SNRPA1: variants seen among roughly 807,000 people sequenced by gnomAD.
The protein encoded by SNRPA1 is U2 small nuclear ribonucleoprotein A'.
A neutral mutation model predicts 32.3 loss-of-function variants in SNRPA1; 5 were observed. The ratio of observed to expected loss-of-function variants is 0.15; its 90% CI spans 0.08 to 0.33. The LOEUF (loss-of-function observed/expected upper bound fraction) is 0.33. Among genes scored for constraint, SNRPA1 ranks in the 10% least tolerant of loss-of-function variants. The pLI, the probability that SNRPA1 is intolerant of heterozygous loss-of-function variation, is 1.00. For synonymous variants in SNRPA1, 111 were observed against 120.1 expected (o/e 0.92, Z 0.50); for missense variants, 198 against 311.1 (o/e 0.64, Z 2.74).
chr15:101,284,764 A>C (rs985642607), intron 8 of SNRPA1: 3 of 423,702 alleles, frequency 7.1e-6, no homozygotes, highest in Non-Finnish European at 1.3e-5. Context: ...AGGCTCCCAA[A>C]GTGCTGGGAT....
chr15:101,284,648 G>A (rs1191725469), intron 8 of SNRPA1: 11 of 211,780 alleles, frequency 5.2e-5, no homozygotes, highest in Admixed American at 9.8e-5. Context: ...GATTACAGGC[G>A]CGCACCACCA....
intron 8 of SNRPA1, among the ~76,000 whole-genome samples, chr15:101,282,834 T>TAAGA (rs2039412107): frequency 1.3e-5 from 2 of 152,250 alleles, no homozygotes; most frequent in South Asian, 4.1e-4. Flanking sequence ...ACAAGTTTTC[T>TAAGA]AAATTTTAAT....
chr15:101,294,431 A>T (rs2039563713), intron 1 of SNRPA1, among the ~76,000 whole-genome samples: 1 of 152,216 alleles, frequency 6.6e-6, no homozygotes, highest in African/African-American at 2.4e-5. Context: ...CCAACTAGCT[A>T]GCTGCCCTCC....
At chr15:101,284,208 C>T (rs1214689537) in intron 8 of SNRPA1, among the ~76,000 whole-genome samples, 1 of 152,042 alleles carries the variant, frequency 6.6e-6, no homozygotes, top group Non-Finnish European at 1.5e-5. Context: ...CTCTCAGCCT[C>T]TCGGCAACCT....
At chr15:101,285,125 CTAAG>C in intron 7 of SNRPA1, 65 bp from the exon 8 acceptor site, 1 of 1,151,252 alleles carries the variant, frequency 8.7e-7, no homozygotes, top group Non-Finnish European at 1.3e-6. Context: ...ACCCAGAAAA[CTAAG>C]TGTCAATCAC....
At chr15:101,291,819 C>A in intron 3 of SNRPA1, 143 bp downstream of exon 3, 1 of 559,896 alleles carries the variant, frequency 1.8e-6, no homozygotes, top group Non-Finnish European at 3.2e-6. Context: ...GCTGCAGAAC[C>A]CAAAAGGCCC....
At chr15:101,290,738 G>A (rs1339594542) in intron 3 of SNRPA1, among the ~76,000 whole-genome samples, 2 of 145,864 alleles carry the variant, frequency 1.4e-5, no homozygotes, top group African/African-American at 5.3e-5. Flanking sequence ...ACCACTTTTG[G>A]CATTTTTTTT....
chr15:101,292,835 T>G (rs2039541739), intron 2 of SNRPA1, 190 bp downstream of exon 2: 2 of 388,172 alleles, frequency 5.2e-6, no homozygotes, highest in African/African-American at 4.1e-5. Flanking sequence ...TTTCTCATTT[T>G]AAGAAAAAAC....
At chr15:101,285,136 T>A in intron 7 of SNRPA1, 76 bp from the exon 8 acceptor site, 1 of 995,408 alleles carries the variant, frequency 1.0e-6, no homozygotes. Context: ...TAAGTGTCAA[T>A]CACCTACAGA....
At chr15:101,289,417 T>C (rs972276685) in intron 3 of SNRPA1, among the ~76,000 whole-genome samples, 3 of 152,058 alleles carry the variant, frequency 2.0e-5, no homozygotes, top group African/African-American at 7.3e-5. Context: ...TAACTCAAGA[T>C]TGAAAGAGAG....
At chr15:101,284,917 ACT>A (rs765571518) in intron 8 of SNRPA1, 48 bp downstream of exon 8, 16 of 1,385,790 alleles carry the variant, frequency 1.2e-5, no homozygotes, top group Admixed American at 8.4e-5. Flanking sequence ...TGTGAGTTAC[ACT>A]CTGAGTGTAA....
chr15:101,282,982 T>C (rs1277824227), intron 8 of SNRPA1, among the ~76,000 whole-genome samples: 1 of 152,196 alleles, frequency 6.6e-6, no homozygotes, highest in African/African-American at 2.4e-5. Context: ...AACTCAAGAA[T>C]GCAGACATGT....
intron 8 of SNRPA1, among the ~76,000 whole-genome samples, 175 bp from the exon 9 acceptor site, chr15:101,281,957 T>G (rs2039400269): frequency 6.6e-6 from 1 of 152,246 alleles, no homozygotes; most frequent in Non-Finnish European, 1.5e-5. Context: ...AGTCTGTCTT[T>G]GGCAGGTACT....
chr15:101,283,582 CAAA>C (rs71850715), intron 8 of SNRPA1, among the ~76,000 whole-genome samples: 23 of 152,066 alleles, frequency 1.5e-4, no homozygotes, highest in African/African-American at 3.6e-4. Context: ...ACAACAACAA[CAAA>C]ATCAGTCTTC....
rs1464102226 is a variant in SNRPA1, at chr15:101,295,053, C to T, written c.82+44G>A. 3.9e-6 allele frequency: 5 copies of T among 1,293,664 alleles called. No homozygotes were observed. In the Admixed American group the frequency reaches 1.6e-4, roughly 41 times the overall value. 80.1% of individuals were successfully genotyped at this position (1,293,664 alleles called of 1,614,324 possible). On this transcript the variant is annotated intron_variant, in intron 1 of 8. Transcript: ENST00000254193. The stretch of plus-strand genomic sequence containing the variant: ...CGGCAAAGCGCGGAAAATAAGGCGG[C>T]TCGGTGCCGCCTGGGGACTGGCCGC...
chr15:101,291,796 T>C (rs1468282580), intron 3 of SNRPA1, among the ~76,000 whole-genome samples, 166 bp downstream of exon 3: 1 of 152,198 alleles, frequency 6.6e-6, no homozygotes, highest in Admixed American at 6.5e-5. Flanking sequence ...TAGGAAAATA[T>C]TTGCAACATA....
At chr15:101,295,020 G>C (rs1220640985) in intron 1 of SNRPA1, 77 bp downstream of exon 1, 2 of 976,724 alleles carry the variant, frequency 2.0e-6, no homozygotes, top group Non-Finnish European at 2.8e-6. Flanking sequence ...TCCGGCCTTC[G>C]GTGCACGCGG....
chr15:101,288,836 T>C (rs921902561), intron 3 of SNRPA1, among the ~76,000 whole-genome samples: 1 of 152,136 alleles, frequency 6.6e-6, no homozygotes, highest in Admixed American at 6.5e-5. Context: ...CATGTTCCAA[T>C]AATGACTACA....
chr15:101,284,467 C>G (rs1433061386), intron 8 of SNRPA1, among the ~76,000 whole-genome samples: 1 of 152,076 alleles, frequency 6.6e-6, no homozygotes, highest in Non-Finnish European at 1.5e-5. Context: ...TTACATAAAA[C>G]CCCCCACAGT....
Sources: allele counts gnomAD v4.1 joint callset (sites outside exome capture counted in the v4.1 genomes callset), GRCh38; gene constraint gnomAD v4.1.1; transcripts MANE v1.5; gene names NCBI Gene and HGNC (gene_info 2026-07-23, HGNC 2026-07-21).